ARID1B: variants seen among roughly 807,000 people sequenced by gnomAD.
The protein encoded by ARID1B is AT-rich interactive domain-containing protein 1B.
Under a neutral mutation model 212.3 loss-of-function variants are expected in ARID1B, and 30 were observed. That is an observed-to-expected ratio of 0.14 (90% CI 0.11 to 0.19). The LOEUF (loss-of-function observed/expected upper bound fraction) is 0.19, where lower values mean the gene tolerates loss of function less well. Ranked by LOEUF, ARID1B falls within the 10% of genes least tolerant of loss-of-function variation. ARID1B has a pLI of 1.00. For synonymous variants in ARID1B, 1,402 were observed against 1,301.7 expected (o/e 1.08, Z -1.66); for missense variants, 2,891 against 3,204.0 (o/e 0.90, Z 2.36).
At chr6:157,079,512 G>A (rs1230591435) in intron 4 of ARID1B, among the ~76,000 whole-genome samples, 1 of 152,194 alleles carries the variant, frequency 6.6e-6, no homozygotes, top group East Asian at 1.9e-4. Context: ...AATAAGGGTG[G>A]AAGATGTGAA....
intron 8 of ARID1B, chr6:157,164,698 C>T (rs779397059): frequency 2.0e-5 from 3 of 152,024 alleles, no homozygotes; most frequent in East Asian, 1.9e-4. Flanking sequence ...GGCTTCCATA[C>T]CTAGAAGAAC....
intron 4 of ARID1B, among the ~76,000 whole-genome samples, chr6:156,999,423 A>G (rs1044426185): frequency 2.0e-5 from 3 of 152,260 alleles, no homozygotes; most frequent in Non-Finnish European, 4.4e-5. Flanking sequence ...TAGAGGAGCC[A>G]GGGTATGACC....
intron 2 of ARID1B, among the ~76,000 whole-genome samples, chr6:156,870,696 T>C (rs1157735899): frequency 6.6e-6 from 1 of 151,348 alleles, no homozygotes; most frequent in East Asian, 1.9e-4. Context: ...AAAATAGAAG[T>C]ACTTGAAAAG....
chr6:156,874,290 C>T lies in ARID1B; in HGVS notation c.1987-27086C>T, dbSNP rs375574217. On this transcript the variant is annotated intron_variant, in intron 2 of 19. Transcript: ENST00000636930. Reference sequence around the variant, plus strand: ...GTGTTACCCAGGCTGCTGTCAAACTCCTGGTAGGCTCAAGCTATCCAGCCA... The same window carrying T: ...GTGTTACCCAGGCTGCTGTCAAACTTCTGGTAGGCTCAAGCTATCCAGCCA... 1.6e-4 allele frequency among the ~76,000 whole-genome samples: 25 copies of T among 152,268 alleles called. No homozygotes were observed. In the East Asian group the frequency reaches 3.5e-3, roughly 21 times the overall value.
At chr6:156,806,162 T>C (rs1214371385) in intron 1 of ARID1B, among the ~76,000 whole-genome samples, 1 of 152,330 alleles carries the variant, frequency 6.6e-6, no homozygotes, top group South Asian at 2.1e-4. Context: ...AAAATGGGGA[T>C]TAAGTGAATT....
At chr6:156,833,764 C>A (rs1465501453) in intron 2 of ARID1B, among the ~76,000 whole-genome samples, 2 of 152,038 alleles carry the variant, frequency 1.3e-5, no homozygotes, top group African/African-American at 4.8e-5. Flanking sequence ...GAAGTAAAAA[C>A]AATTCAAAAC....
chr6:156,869,555 G>A (rs528832553), intron 2 of ARID1B, among the ~76,000 whole-genome samples: 21 of 152,338 alleles, frequency 1.4e-4, no homozygotes, highest in African/African-American at 5.1e-4. Context: ...TTTTCAGGAA[G>A]TCTCAGTGAC....
At chr6:156,990,562 C>T (rs1194049734) in intron 4 of ARID1B, among the ~76,000 whole-genome samples, 2 of 152,030 alleles carry the variant, frequency 1.3e-5, no homozygotes, top group Non-Finnish European at 2.9e-5. Flanking sequence ...AATCACTTGA[C>T]CGAGGGAGTT....
chr6:157,061,097 TCAAC>T (rs1236754972), intron 4 of ARID1B, among the ~76,000 whole-genome samples: 3 of 152,214 alleles, frequency 2.0e-5, no homozygotes, highest in Admixed American at 6.5e-5. Context: ...CCTCAACTGA[TCAAC>T]CAAGACAATC....
At chr6:156,904,468 TG>T (rs1789202791) in intron 3 of ARID1B, among the ~76,000 whole-genome samples, 1 of 152,268 alleles carries the variant, frequency 6.6e-6, no homozygotes, top group African/African-American at 2.4e-5. Context: ...GTGTCATAAG[TG>T]GGCAGTAATA....
intron 3 of ARID1B, among the ~76,000 whole-genome samples, chr6:156,907,669 G>T (rs1292711795): frequency 4.6e-5 from 7 of 151,608 alleles, no homozygotes; most frequent in African/African-American, 1.7e-4. Flanking sequence ...ACTTTGGGAG[G>T]GCAGATCACC....
chr6:156,834,471 TA>T (rs1783365758), intron 2 of ARID1B, among the ~76,000 whole-genome samples: 3 of 152,304 alleles, frequency 2.0e-5, no homozygotes, highest in African/African-American at 7.2e-5. Flanking sequence ...CACATGTGTG[TA>T]AAAAACAGAA....
chr6:156,882,678 A>G (rs1020478534), intron 2 of ARID1B, among the ~76,000 whole-genome samples: 5 of 152,194 alleles, frequency 3.3e-5, no homozygotes, highest in African/African-American at 4.8e-5. Context: ...TACTGATTCT[A>G]TACTTTTTCG....
At chr6:156,857,406 G>T (rs562391761) in intron 2 of ARID1B, among the ~76,000 whole-genome samples, 1 of 152,318 alleles carries the variant, frequency 6.6e-6, no homozygotes, top group South Asian at 2.1e-4. Context: ...AGGACAGGTG[G>T]CTGTTAGAAG....
At chr6:157,018,991 G>A (rs772095379) in intron 4 of ARID1B, among the ~76,000 whole-genome samples, 11 of 152,094 alleles carry the variant, frequency 7.2e-5, no homozygotes, top group Non-Finnish European at 1.0e-4. Context: ...AAATACGGTA[G>A]GCTCAGCACA....
chr6:156,872,300 T>A (rs1381514856), intron 2 of ARID1B, among the ~76,000 whole-genome samples: 1 of 152,178 alleles, frequency 6.6e-6, no homozygotes, highest in Non-Finnish European at 1.5e-5. Context: ...GAATCATACC[T>A]GGTCAGTTTA....
intron 2 of ARID1B, among the ~76,000 whole-genome samples, chr6:156,863,521 T>C (rs1343111992): frequency 6.6e-6 from 1 of 152,168 alleles, no homozygotes; most frequent in Non-Finnish European, 1.5e-5. Flanking sequence ...ATGATTGTAT[T>C]GGTTGTGGAT....
chr6:156,929,393 C>A (rs558096282), intron 3 of ARID1B, among the ~76,000 whole-genome samples: 1 of 152,132 alleles, frequency 6.6e-6, no homozygotes, highest in Non-Finnish European at 1.5e-5. Flanking sequence ...GATGATTTCA[C>A]GAACTGTGGC....
rs769810886 is a variant in ARID1B at position 156,981,933 on chromosome 6, G to GAC, written c.2247+46359_2247+46360dup. Reference sequence around the variant, plus strand: ...TCAGCTCCAGTATTTTTTCTTAAGAGACATCCCTTCTGGATTTCCATAGTC... The same window carrying GAC: ...TCAGCTCCAGTATTTTTTCTTAAGAGACACATCCCTTCTGGATTTCCATAGTC... On this transcript the variant is annotated intron_variant, in intron 4 of 19. Transcript: ENST00000636930. Among the ~76,000 whole-genome samples the GAC allele has an allele frequency of 2.0e-5, 3 of 151,930 alleles. No individual in the cohort carries two copies. In the South Asian group the frequency reaches 6.2e-4, roughly 32 times the overall value.
Sources: allele counts gnomAD v4.1 joint callset (sites outside exome capture counted in the v4.1 genomes callset), GRCh38; gene constraint gnomAD v4.1.1; transcripts MANE v1.5; gene names NCBI Gene and HGNC (gene_info 2026-07-23, HGNC 2026-07-21).